The following ITSN1 variants were observed in gnomAD, a reference collection of about 807,000 sequenced individuals.
The protein encoded by ITSN1 is intersectin 1.
In ITSN1, 58 loss-of-function variants were observed where a neutral mutation model predicts 239.8. The observed-to-expected ratio is 0.24, with a 90% CI of 0.20 to 0.30. The LOEUF is 0.30. Ranked by LOEUF, ITSN1 falls within the 10% of genes least tolerant of loss-of-function variation. ITSN1 has a pLI of 1.00. For synonymous variants in ITSN1, 780 were observed against 770.8 expected (o/e 1.01, Z -0.20); for missense variants, 1,558 against 2,103.3 (o/e 0.74, Z 5.07).
At position 33,865,291 on chromosome 21, in the gene ITSN1, A is replaced by C; in HGVS notation, c.4031A>C (p.Gln1344Pro). 6.3e-7 allele frequency: 1 copy of C among 1,595,650 alleles called. No homozygotes were observed. The highest frequency in any genetic ancestry group is 8.5e-7 in the Non-Finnish European group (1 of 1,171,438). ...CAGCTCAACGGGGCTGCCCTGATCCAGCAGAAGACGGATGAGGCCCCAGAC... is the reference window on the plus strand; with the variant it reads ...CAGCTCAACGGGGCTGCCCTGATCCCGCAGAAGACGGATGAGGCCCCAGAC... The part of the protein sequence containing the change: ...SRQLNGAALI[Q>P]QKTDEAPDFK... The change falls in exon 32 of 40, where the codon CAG (glutamine) becomes CCG (proline). Residue 1344 changes from glutamine to proline, a missense_variant. This residue lies in a region of ITSN1 where 576 missense variants were observed against 893.3 expected (regional missense o/e 0.64). Coordinates refer to ENST00000381318, the MANE Select transcript of ITSN1 (RefSeq NM_003024.3). This position sits in a 1 kb window ranked among gnomAD's most constrained non-coding sequence, Gnocchi z 4.4.
Position 33,834,318 on chromosome 21 carries a change from A to G in ITSN1, c.3363A>G (p.Lys1121=). 6.2e-7 allele frequency: 1 copy of G among 1,613,534 alleles called. No homozygotes were observed. The highest frequency in any genetic ancestry group is 8.5e-7 in the Non-Finnish European group (1 of 1,179,656). The change falls in exon 28 of 40, where the codon AAA becomes AAG. Residue 1121 remains lysine (K), a synonymous_variant. Transcript: ENST00000381318. The part of the protein sequence containing the change: ...WWEGELQARG[K]KRQIGWFPAN... ...TATTTTCTTACTAGGCACGTGGGAAAAAGCGCCAGATAGGCTGGTTCCCAG... is the reference window on the plus strand; with the variant it reads ...TATTTTCTTACTAGGCACGTGGGAAGAAGCGCCAGATAGGCTGGTTCCCAG...
chr21:33,862,802 T>C (rs1456910842), intron 31 of ITSN1, among the ~76,000 whole-genome samples: 9 of 152,168 alleles, frequency 5.9e-5, no homozygotes, highest in Non-Finnish European at 1.2e-4. Context: ...TGCCTGAGTT[T>C]CCCCAATAGG....
rs759604948 is a variant in ITSN1, at chr21:33,818,427, A to G, written c.2888A>G (p.Lys963Arg). 7.4e-6 allele frequency: 12 copies of G among 1,614,220 alleles called. No homozygotes were observed. Among genetic ancestry groups the G allele is most frequent in the Non-Finnish European group, 9.3e-6 (11 of 1,180,044 alleles). ...EVQGQKGWFP[K>R]SYVKLISGPI... is the part of the protein sequence containing the mutation. ...CAAGGTCAGAAGGGTTGGTTCCCCAAGTCTTACGTGAAACTCATTTCAGGG... is the reference window on the plus strand; with the variant it reads ...CAAGGTCAGAAGGGTTGGTTCCCCAGGTCTTACGTGAAACTCATTTCAGGG... The change falls in exon 23 of 40, where the codon AAG becomes AGG. Residue 963 changes from lysine to arginine, a missense_variant. By Grantham distance (26) the Lys-to-Arg change is conservative. Coordinates refer to ENST00000381318, the MANE Select transcript of ITSN1 (RefSeq NM_003024.3).
intron 1 of ITSN1, among the ~76,000 whole-genome samples, chr21:33,652,866 A>T (rs2088666183): frequency 1.3e-5 from 2 of 152,044 alleles, no homozygotes; most frequent in Admixed American, 6.5e-5. Context: ...AGTCTTTGTG[A>T]TTCCAGATAA....
intron 27 of ITSN1, among the ~76,000 whole-genome samples, chr21:33,832,313 C>G (rs2074340881): frequency 6.6e-6 from 1 of 152,232 alleles, no homozygotes; most frequent in Non-Finnish European, 1.5e-5. Flanking sequence ...AGCTCCAGCA[C>G]TGGCCCCGTG....
chr21:33,767,642 C>A, intron 10 of ITSN1, 71 bp from the exon 11 acceptor site: 1 of 746,562 alleles, frequency 1.3e-6, no homozygotes. Context: ...AAAAATCCTT[C>A]TTCATAACTT....
At chr21:33,704,101 C>T (rs1448579164) in intron 1 of ITSN1, among the ~76,000 whole-genome samples, 2 of 152,128 alleles carry the variant, frequency 1.3e-5, no homozygotes, top group Non-Finnish European at 2.9e-5. Context: ...GAACTGATTT[C>T]GTTCACTTTT....
chr21:33,883,061 T>A (rs1985186903), intron 35 of ITSN1, among the ~76,000 whole-genome samples: 1 of 152,106 alleles, frequency 6.6e-6, no homozygotes, highest in South Asian at 2.1e-4. Context: ...GTTAGCTTTA[T>A]TATGGGAAAA....
chr21:33,740,426 T>C (rs529690441), intron 5 of ITSN1, among the ~76,000 whole-genome samples: 2 of 152,238 alleles, frequency 1.3e-5, no homozygotes, highest in South Asian at 4.1e-4. Context: ...TGGCAGAAGA[T>C]TGGTGTCCTG....
At chr21:33,700,657 C>A (rs2091968052) in intron 1 of ITSN1, among the ~76,000 whole-genome samples, 1 of 152,084 alleles carries the variant, frequency 6.6e-6, no homozygotes, top group African/African-American at 2.4e-5. Flanking sequence ...GGTTGTGACT[C>A]CAGCAGCGCG....
intron 5 of ITSN1, among the ~76,000 whole-genome samples, chr21:33,748,084 A>G (rs1162644439): frequency 1.3e-5 from 2 of 152,210 alleles, no homozygotes; most frequent in African/African-American, 4.8e-5. Context: ...GAATTGAGCT[A>G]TATTTGTGTA....
chr21:33,789,307 T>G (rs554607430), intron 16 of ITSN1, among the ~76,000 whole-genome samples: 17 of 152,316 alleles, frequency 1.1e-4, no homozygotes, highest in Non-Finnish European at 2.4e-4. Flanking sequence ...CACCTGAAAT[T>G]TCTGATGCTG....
intron 12 of ITSN1, among the ~76,000 whole-genome samples, chr21:33,772,645 T>G (rs932706498): frequency 1.3e-5 from 2 of 152,208 alleles, no homozygotes; most frequent in South Asian, 4.1e-4. Context: ...TGGCTTTCAT[T>G]TAGCATAATG....
intron 20 of ITSN1, among the ~76,000 whole-genome samples, chr21:33,805,874 G>A (rs1248391344): frequency 6.7e-6 from 1 of 148,536 alleles, no homozygotes; most frequent in South Asian, 2.1e-4. Context: ...GGGTTTCACC[G>A]TGTTAGCCAG....
chr21:33,830,284 T>TA (rs199631496), intron 27 of ITSN1, among the ~76,000 whole-genome samples: 1,982 of 152,340 alleles, frequency 0.013, 22 homozygotes, highest in Admixed American at 0.019. Flanking sequence ...AGATTACTGT[T>TA]ACGCAGTTCT....
chr21:33,720,833 T>C (rs901914915), intron 2 of ITSN1, among the ~76,000 whole-genome samples: 2 of 152,200 alleles, frequency 1.3e-5, no homozygotes, highest in Non-Finnish European at 2.9e-5. Flanking sequence ...AGTACAGTTT[T>C]AGGTTTAAGT....
At chr21:33,663,336 C>T (rs907211540) in intron 1 of ITSN1, among the ~76,000 whole-genome samples, 5 of 152,232 alleles carry the variant, frequency 3.3e-5, no homozygotes, top group Non-Finnish European at 7.3e-5. Flanking sequence ...GCTTACAAAG[C>T]CATTAACTGT....
At chr21:33,879,608 C>T (rs1984559166) in intron 34 of ITSN1, among the ~76,000 whole-genome samples, 1 of 152,234 alleles carries the variant, frequency 6.6e-6, no homozygotes, top group Non-Finnish European at 1.5e-5. Context: ...GGGCCCTTCC[C>T]CGACTCTGAC....
At chr21:33,873,597 G>A (rs180893707) in intron 33 of ITSN1, among the ~76,000 whole-genome samples, 70 of 152,366 alleles carry the variant, frequency 4.6e-4, no homozygotes, top group African/African-American at 1.4e-3. Flanking sequence ...TGGGCCAGGC[G>A]TGGTGGCTCA....
Sources: allele counts gnomAD v4.1 joint callset (sites outside exome capture counted in the v4.1 genomes callset), GRCh38; gene constraint gnomAD v4.1.1; regional missense constraint gnomAD v4.1.1; non-coding constraint Gnocchi (gnomAD v3.1); transcripts MANE v1.5; gene names NCBI Gene and HGNC (gene_info 2026-07-23, HGNC 2026-07-21).